The following RNF17 variants were observed in gnomAD, a reference collection of about 807,000 sequenced individuals.
The protein encoded by RNF17 is spermatogenesis associated 23.
RNF17 carries 31 observed loss-of-function variants against 200.5 expected under a neutral mutation model. The ratio of observed to expected loss-of-function variants is 0.15; its 90% CI spans 0.12 to 0.21. The LOEUF is 0.21. Ranked by LOEUF, RNF17 falls within the 10% of genes least tolerant of loss-of-function variation. The probability of loss-of-function intolerance (pLI) is 1.00; values close to 1 mark genes in which losing one functional copy is unlikely to be tolerated. For synonymous variants in RNF17, 606 were observed against 637.8 expected, an observed-to-expected ratio of 0.95 and a Z score of 0.75; for missense variants, 1,628 against 1,905.1, an observed-to-expected ratio of 0.85 and a Z score of 2.71.
chr13:24,754,385 C>A, the RNF17 span, among the ~76,000 whole-genome samples: 1 of 152,106 alleles, frequency 6.6e-6, no homozygotes. Flanking sequence ...CATCAGAACA[C>A]CTTTAGAAAG....
chr13:24,758,434 T>C, the RNF17 span, among the ~76,000 whole-genome samples: 1 of 152,136 alleles, frequency 6.6e-6, no homozygotes, highest in Non-Finnish European at 1.5e-5. Flanking sequence ...AAAACATATA[T>C]TTAAAAAATA....
upstream of RNF17, among the ~76,000 whole-genome samples, chr13:24,763,369 A>ATTTTTTTTTTTTTTTTTTTTT: frequency 8.7e-6 from 1 of 114,710 alleles, no homozygotes; most frequent in Non-Finnish European, 1.7e-5. Flanking sequence ...CGTCCGGCTA[A>ATTTTTTTTTTTTTTTTTTTTT]TTTTTTTTTT....
chr13:24,882,870 C>G, downstream of RNF17: 10 of 296,900 alleles, frequency 3.4e-5, no homozygotes, highest in Non-Finnish European at 5.1e-5. Flanking sequence ...TCCTGTACTT[C>G]TTGGTTTTTT....
At chr13:24,775,797 A>G (rs1275160911) in intron 3 of RNF17, among the ~76,000 whole-genome samples, 2 of 152,246 alleles carry the variant, frequency 1.3e-5, no homozygotes, top group East Asian at 3.9e-4. Context: ...TTAATTACTA[A>G]TGCTTCTGTA....
chr13:24,812,240 C>G (rs1460974625), intron 15 of RNF17, among the ~76,000 whole-genome samples: 3 of 151,580 alleles, frequency 2.0e-5, no homozygotes, highest in South Asian at 2.1e-4. Context: ...CCTCCCCCAG[C>G]CTCGCTGCCG....
intron 15 of RNF17, among the ~76,000 whole-genome samples, chr13:24,804,988 C>G (rs1018585899): frequency 6.6e-6 from 1 of 152,068 alleles, no homozygotes; most frequent in Admixed American, 6.6e-5. Context: ...ACTGTTGTCT[C>G]CATTTGAATG....
Position 24,854,011 on chromosome 13 carries a change from T to G in RNF17, c.3477T>G (p.Phe1159Leu). The change falls in exon 25 of 36, where the codon TTT becomes TTG. Residue 1159 changes from phenylalanine to leucine, a missense_variant. Physicochemically the swap from Phe to Leu is conservative, Grantham distance 22. Around this residue, in one of 5 missense-constraint regions of RNF17, gnomAD observed 609 missense variants for 681.9 expected, o/e 0.89. Coordinates refer to ENST00000255324, the MANE Select transcript of RNF17 (RefSeq NM_031277.3). ...DIISEQKVSE[F>L]QEKILEPRTT... ...TCAGTGAACAGAAAGTGTCTGAATT[T>G]CAGGAGAAAATTCTAGAACCAAGAA... is the stretch of plus-strand genomic sequence containing the variant. The G allele has an allele frequency of 6.2e-7, 1 of 1,614,118 alleles. No individual in the cohort carries two copies. The highest frequency in any genetic ancestry group is 1.1e-5 in the South Asian group (1 of 91,082).
rs186129407 is a variant in RNF17 at position 24,816,401 on chromosome 13, T to G, written c.2092-9218T>G. On this transcript the variant is annotated intron_variant, in intron 15 of 35. Transcript: ENST00000255324. ...AACTTTCCCTCCCCATGTGGCTGTT[T>G]GCAGTGTGGGTCACTTGTTCTACAT... Among the ~76,000 whole-genome samples, 28 of 152,282 alleles carry G rather than the reference T, an allele frequency of 1.8e-4. No homozygotes were observed. In the South Asian group the frequency reaches 4.1e-3, roughly 23 times the overall value.
intron 25 of RNF17, among the ~76,000 whole-genome samples, chr13:24,857,455 C>CTCT (rs1489762590): frequency 6.6e-6 from 1 of 152,134 alleles, no homozygotes; most frequent in Non-Finnish European, 1.5e-5. Flanking sequence ...GCTAAAATGA[C>CTCT]TCTTAGATCA....
Position 24,838,856 on chromosome 13 carries a change from C to A in RNF17, c.2483-3185C>A, listed in dbSNP as rs530394019. ...GCAAGAGAAGGAAAGAAAGGGCATC[C>A]AAATCAGTAAAGAAAAAGTTAAACT... On this transcript the variant is annotated intron_variant, in intron 18 of 35. Coordinates refer to ENST00000255324, the MANE Select transcript of RNF17 (RefSeq NM_031277.3). 7.8e-4 allele frequency among the ~76,000 whole-genome samples: 119 copies of A among 152,156 alleles called. 1 individual carries two copies. Among genetic ancestry groups the A allele is most frequent in the African/African-American group, 2.6e-3 (110 of 41,528 alleles).
chr13:24,775,726 A>G (rs748203005), intron 3 of RNF17, among the ~76,000 whole-genome samples: 1 of 152,194 alleles, frequency 6.6e-6, no homozygotes, highest in Non-Finnish European at 1.5e-5. Flanking sequence ...TTTTTGAATT[A>G]GTAATATCTT....
chr13:24,765,584 C>T (rs1404098563), intron 1 of RNF17, among the ~76,000 whole-genome samples: 2 of 152,074 alleles, frequency 1.3e-5, no homozygotes, highest in East Asian at 3.8e-4. Context: ...GCTACCGTTA[C>T]GTAGAAAATT....
chr13:24,778,943 C>T (rs1299012366), intron 4 of RNF17, among the ~76,000 whole-genome samples: 1 of 152,196 alleles, frequency 6.6e-6, no homozygotes, highest in African/African-American at 2.4e-5. Context: ...AATCCCAGCA[C>T]TTTGGGAGAC....
chr13:24,843,241 G>A (rs1009311436), intron 19 of RNF17, among the ~76,000 whole-genome samples: 2 of 152,142 alleles, frequency 1.3e-5, no homozygotes, highest in African/African-American at 2.4e-5. Context: ...GAACTGGGCC[G>A]GGCACAGTGG....
intron 2 of RNF17, among the ~76,000 whole-genome samples, chr13:24,770,615 C>A (rs1383289169): frequency 6.6e-6 from 1 of 152,004 alleles, no homozygotes; most frequent in Non-Finnish European, 1.5e-5. Flanking sequence ...TAAAAGTAAC[C>A]TAACTAAACT....
chr13:24,843,706 G>A (rs753789493), intron 19 of RNF17, 38 bp from the exon 20 acceptor site: 3 of 1,202,348 alleles, frequency 2.5e-6, no homozygotes, highest in East Asian at 4.8e-5. Flanking sequence ...CAAATATTTT[G>A]CATACAGTTC....
At chr13:24,886,432 T>G in the RNF17 span, 1 of 1,142,606 alleles carries the variant, frequency 8.8e-7, no homozygotes. Flanking sequence ...ATCACTGATT[T>G]ATAGGTCCCA....
At chr13:24,870,065 C>T (rs1028437432) in intron 31 of RNF17, among the ~76,000 whole-genome samples, 2 of 151,658 alleles carry the variant, frequency 1.3e-5, no homozygotes, top group African/African-American at 4.9e-5. Flanking sequence ...CCTCAGCCTC[C>T]AGAGTAGCTG....
the RNF17 span, chr13:24,885,442 A>T: frequency 1.5e-6 from 2 of 1,300,350 alleles, no homozygotes; most frequent in African/African-American, 2.9e-5. Flanking sequence ...CCAAAGCCAG[A>T]TTCTGATATA....
Sources: allele counts gnomAD v4.1 joint callset (sites outside exome capture counted in the v4.1 genomes callset), GRCh38; gene constraint gnomAD v4.1.1; regional missense constraint gnomAD v4.1.1; transcripts MANE v1.5; gene names NCBI Gene and HGNC (gene_info 2026-07-23, HGNC 2026-07-21).